Variants in PTPRD observed in about 807,000 individuals in gnomAD.
The protein encoded by PTPRD is receptor-type tyrosine-protein phosphatase delta.
PTPRD carries 34 observed loss-of-function variants against 214.5 expected under a neutral mutation model. That is an observed-to-expected ratio of 0.16 (90% CI 0.12 to 0.21). The LOEUF (loss-of-function observed/expected upper bound fraction) is 0.21. Ranked by LOEUF, PTPRD falls within the 10% of genes least tolerant of loss-of-function variation. The pLI, the probability that PTPRD is intolerant of heterozygous loss-of-function variation, is 1.00. For synonymous variants in PTPRD, 1,128 were observed against 845.7 expected, an observed-to-expected ratio of 1.33 and a Z score of -5.79; for missense variants, 2,545 against 2,398.7, an observed-to-expected ratio of 1.06 and a Z score of -1.27.
intron 9 of PTPRD, among the ~76,000 whole-genome samples, chr9:9,358,227 T>C (rs1024709849): frequency 4.0e-5 from 6 of 151,338 alleles, no homozygotes; most frequent in African/African-American, 1.5e-4. Flanking sequence ...TTTTCTTATT[T>C]AGGTTATATT....
In PTPRD at chr9:9,653,348, CAAAAAAAAAAAAAAAAAAAAA is replaced by C. The variant is rs1175875551; in HGVS notation, c.-286-78588_-286-78568del. On this transcript the variant is annotated intron_variant, in intron 7 of 45. Coordinates refer to ENST00000381196, the MANE Select transcript of PTPRD (RefSeq NM_002839.4). Reference sequence around the variant, plus strand: ...TGGGCGACAGAGCGAGACTCCGTCTCAAAAAAAAAAAAAAAAAAAAAAAAAAAAAAAAAAAAAAGTGCCTCA... The same window carrying C: ...TGGGCGACAGAGCGAGACTCCGTCTCAAAAAAAAAAAAAAAAAGTGCCTCA... 3.1e-3 allele frequency among the ~76,000 whole-genome samples: 100 copies of C among 32,508 alleles called. 1 individual carries two copies. The highest frequency in any genetic ancestry group is 9.2e-3 in the African/African-American group (92 of 9,952). 21.3% of individuals were successfully genotyped at this position (32,508 alleles called of 152,430 possible).
At chr9:8,879,165 T>TTTC (rs1267790589) in intron 11 of PTPRD, among the ~76,000 whole-genome samples, 1 of 152,192 alleles carries the variant, frequency 6.6e-6, no homozygotes, top group African/African-American at 2.4e-5. Context: ...TATGTTGTCT[T>TTTC]TTCTTGGGCC....
At chr9:8,391,608 A>G (rs1279610749) in intron 36 of PTPRD, among the ~76,000 whole-genome samples, 1 of 152,174 alleles carries the variant, frequency 6.6e-6, no homozygotes, top group East Asian at 1.9e-4. Flanking sequence ...CTACTTTCAA[A>G]ACTTTAATTT....
intron 3 of PTPRD, among the ~76,000 whole-genome samples, chr9:10,194,189 T>C (rs980507454): frequency 6.6e-6 from 1 of 152,020 alleles, no homozygotes; most frequent in African/African-American, 2.4e-5. Context: ...GCTTCTCACT[T>C]TATCCTCTTT....
At chr9:9,039,148 T>A (rs556442505) in intron 10 of PTPRD, among the ~76,000 whole-genome samples, 3 of 152,266 alleles carry the variant, frequency 2.0e-5, no homozygotes, top group Non-Finnish European at 4.4e-5. Context: ...TACAAAGCTA[T>A]ACCTTAAACA....
At position 10,096,601 on chromosome 9, in the gene PTPRD, G is replaced by A. The variant is rs983766182; in HGVS notation, c.-544-62811C>T. Among the ~76,000 whole-genome samples the A allele has an allele frequency of 5.3e-5, 8 of 151,834 alleles. No homozygotes were observed. In the South Asian group the frequency reaches 1.2e-3, roughly 24 times the overall value. ...TGATGGGGTTTTTTGTTTTTTTCTT[G>A]TAAATTTGTTTGAATTCATGGTAGA... On this transcript the variant is annotated intron_variant, in intron 3 of 45. Transcript: ENST00000381196.
intron 39 of PTPRD, among the ~76,000 whole-genome samples, chr9:8,365,689 T>A (rs772688819): frequency 3.9e-5 from 6 of 152,062 alleles, no homozygotes; most frequent in Non-Finnish European, 7.4e-5. Context: ...CCCCATTCCT[T>A]GAATCTGGAA....
chr9:8,944,204 T>A (rs978485039), intron 11 of PTPRD, among the ~76,000 whole-genome samples: 2 of 151,990 alleles, frequency 1.3e-5, no homozygotes, highest in African/African-American at 4.8e-5. Context: ...CAATGAGATA[T>A]CATCTCACTC....
At chr9:10,521,839 A>G (rs10756056) in intron 2 of PTPRD, among the ~76,000 whole-genome samples, 1 of 151,694 alleles carries the variant, frequency 6.6e-6, no homozygotes, top group Non-Finnish European at 1.5e-5. Context: ...CTATTGCACA[A>G]TTAATAGGCT....
chr9:8,479,376 G>A (rs1272559192), intron 30 of PTPRD, among the ~76,000 whole-genome samples: 1 of 152,066 alleles, frequency 6.6e-6, no homozygotes, highest in Non-Finnish European at 1.5e-5. Context: ...ATATATTTCT[G>A]AGAATCTTTT....
At chr9:9,984,318 G>C (rs2095636877) in intron 4 of PTPRD, among the ~76,000 whole-genome samples, 1 of 152,082 alleles carries the variant, frequency 6.6e-6, no homozygotes, top group Admixed American at 6.6e-5. Context: ...TTCTATCTCT[G>C]GTACTCTAGG....
intron 8 of PTPRD, among the ~76,000 whole-genome samples, chr9:9,424,958 A>G (rs2080253447): frequency 6.6e-6 from 1 of 152,212 alleles, no homozygotes; most frequent in Admixed American, 6.5e-5. Context: ...TACTACTTAA[A>G]GCTGGACTGG....
At chr9:10,449,021 T>TA (rs1483832546) in intron 2 of PTPRD, among the ~76,000 whole-genome samples, 4 of 151,876 alleles carry the variant, frequency 2.6e-5, no homozygotes, top group Admixed American at 6.5e-5. Flanking sequence ...CCCTAGAACT[T>TA]AAAGTATAAT....
At chr9:9,111,254 T>A (rs892972416) in intron 10 of PTPRD, among the ~76,000 whole-genome samples, 3 of 127,788 alleles carry the variant, frequency 2.3e-5, no homozygotes, top group Non-Finnish European at 4.6e-5. Context: ...GGAAATACCT[T>A]TTTTTTTTTT....
chr9:10,568,758 T>A (rs2066483706), intron 2 of PTPRD, among the ~76,000 whole-genome samples: 1 of 152,118 alleles, frequency 6.6e-6, no homozygotes, highest in Non-Finnish European at 1.5e-5. Flanking sequence ...TTACACTTTA[T>A]ACAAAAATTA....
At chr9:10,339,392 C>A (rs1037884383) in intron 3 of PTPRD, among the ~76,000 whole-genome samples, 1 of 151,688 alleles carries the variant, frequency 6.6e-6, no homozygotes, top group Non-Finnish European at 1.5e-5. Context: ...GTAAGCATCC[C>A]TTACTTTTCC....
At chr9:9,649,840 T>C (rs1163943249) in intron 7 of PTPRD, among the ~76,000 whole-genome samples, 2 of 152,238 alleles carry the variant, frequency 1.3e-5, no homozygotes, top group African/African-American at 4.8e-5. Context: ...TTGAATTTTA[T>C]TTTATAATTT....
intron 11 of PTPRD, among the ~76,000 whole-genome samples, chr9:8,933,339 G>GTTTTTTTT (rs1567089304): frequency 2.9e-5 from 2 of 68,826 alleles, no homozygotes; most frequent in African/African-American, 1.0e-4. Flanking sequence ...ACAACCTTGA[G>GTTTTTTTT]GTTTTTTTTT....
chr9:9,188,042 C>T (rs2099932740), intron 9 of PTPRD, among the ~76,000 whole-genome samples: 1 of 152,044 alleles, frequency 6.6e-6, no homozygotes, highest in South Asian at 2.1e-4. Context: ...GTAATACATA[C>T]TTCATGCTTA....
Sources: allele counts gnomAD v4.1 joint callset (sites outside exome capture counted in the v4.1 genomes callset), GRCh38; gene constraint gnomAD v4.1.1; transcripts MANE v1.5; gene names NCBI Gene and HGNC (gene_info 2026-07-23, HGNC 2026-07-21).